RPS6KC1: variants seen among roughly 807,000 people sequenced by gnomAD.
RPS6KC1 encodes the protein inactive ribosomal protein S6 kinase delta-1.
A neutral mutation model predicts 103.8 loss-of-function variants in RPS6KC1; 54 were observed. That is an observed-to-expected ratio of 0.52 (90% CI 0.42 to 0.65). The LOEUF (loss-of-function observed/expected upper bound fraction) is 0.65. Among genes scored for constraint, RPS6KC1 ranks in the 30% least tolerant of loss-of-function variants. RPS6KC1 has a pLI of 0.00. For synonymous variants in RPS6KC1, 439 were observed against 438.7 expected, an observed-to-expected ratio of 1.00 and a Z score of -0.01; for missense variants, 1,151 against 1,253.8, an observed-to-expected ratio of 0.92 and a Z score of 1.24.
At chr1:213,862,458 G>A in the RPS6KC1 span, among the ~76,000 whole-genome samples, 1 of 152,132 alleles carries the variant, frequency 6.6e-6, no homozygotes, top group Non-Finnish European at 1.5e-5. Context: ...ACCAGAGCAC[G>A]TGATTTATTT....
At chr1:213,427,599 C>T in the RPS6KC1 span, among the ~76,000 whole-genome samples, 444 of 152,180 alleles carry the variant, frequency 2.9e-3, 2 homozygotes, top group African/African-American at 0.01. Flanking sequence ...TTTCTTAAAT[C>T]GTTTTGAATT....
chr1:213,189,671 T>C (rs978127388), intron 8 of RPS6KC1, among the ~76,000 whole-genome samples: 3 of 152,208 alleles, frequency 2.0e-5, no homozygotes, highest in African/African-American at 7.2e-5. Flanking sequence ...TTATATTCTT[T>C]TAGTTATTTA....
chr1:213,736,503 T>G, the RPS6KC1 span, among the ~76,000 whole-genome samples: 3 of 152,192 alleles, frequency 2.0e-5, no homozygotes, highest in Non-Finnish European at 2.9e-5. Context: ...AGCTCTAGTC[T>G]ACTAACATAG....
At chr1:213,099,779 G>A (rs917287152) in intron 3 of RPS6KC1, among the ~76,000 whole-genome samples, 2 of 152,114 alleles carry the variant, frequency 1.3e-5, no homozygotes, top group African/African-American at 2.4e-5. Flanking sequence ...CCCTCCTGCA[G>A]CATGTTTTTG....
chr1:213,452,684 A>T, the RPS6KC1 span, among the ~76,000 whole-genome samples: 2 of 152,198 alleles, frequency 1.3e-5, no homozygotes, highest in African/African-American at 4.8e-5. Context: ...CCGCCTCCGC[A>T]GCACAGAGAC....
chr1:213,709,660 C>T, the RPS6KC1 span, among the ~76,000 whole-genome samples: 1 of 152,154 alleles, frequency 6.6e-6, no homozygotes, highest in African/African-American at 2.4e-5. Context: ...GCATTTATTG[C>T]TATAAATGTC....
At chr1:213,424,188 C>T in the RPS6KC1 span, among the ~76,000 whole-genome samples, 4 of 152,210 alleles carry the variant, frequency 2.6e-5, no homozygotes, top group African/African-American at 9.6e-5. Flanking sequence ...AACCTCTTAT[C>T]TGATCTGAAT....
the RPS6KC1 span, among the ~76,000 whole-genome samples, chr1:213,422,739 A>G: frequency 6.6e-6 from 1 of 152,180 alleles, no homozygotes; most frequent in Admixed American, 6.5e-5. Flanking sequence ...TATTAGAAGG[A>G]AGGAGAAGGG....
chr1:213,167,928 TA>T lies in RPS6KC1; in HGVS notation c.907del (p.Ile303SerfsTer20), dbSNP rs2091139713. The T allele has an allele frequency of 1.9e-6, 3 of 1,613,836 alleles. No individual in the cohort carries two copies. The highest frequency in any genetic ancestry group is 2.5e-6 in the Non-Finnish European group (3 of 1,179,822). ...CCGAGTACCTCATGCGGGCAGAAAG[TA>T]TCTCTAGTCTTTATGGGAAACCTCA... ...TAEYLMRAES[I>X]SSLYGKPQLD... On this transcript the variant is annotated frameshift_variant, in exon 7 of 15. Transcript: ENST00000366960. LOFTEE classifies it high-confidence loss of function.
At chr1:213,422,506 T>C in the RPS6KC1 span, among the ~76,000 whole-genome samples, 2 of 152,248 alleles carry the variant, frequency 1.3e-5, no homozygotes, top group African/African-American at 4.8e-5. Flanking sequence ...TCTGGAAATA[T>C]GCAGAAGTGG....
the RPS6KC1 span, among the ~76,000 whole-genome samples, chr1:213,437,266 G>A: frequency 6.6e-6 from 1 of 151,860 alleles, no homozygotes; most frequent in Non-Finnish European, 1.5e-5. Context: ...TATTGAAATG[G>A]TTATATATTT....
intron 3 of RPS6KC1, among the ~76,000 whole-genome samples, chr1:213,088,202 C>A (rs1259871176): frequency 6.6e-6 from 1 of 152,100 alleles, no homozygotes; most frequent in Non-Finnish European, 1.5e-5. Flanking sequence ...TTTTTCCATC[C>A]AATGGCTGCA....
rs2095089485 is a variant in RPS6KC1 at position 213,273,616 on chromosome 1, A to G, written c.*982A>G. ...GGCTTGGTATACTAAGAAGCAAAGG[A>G]TCTCATCTAAATGGAATTGAATGGC... On this transcript the variant is annotated 3_prime_UTR_variant, in exon 15 of 15. Coordinates refer to ENST00000366960, the MANE Select transcript of RPS6KC1 (RefSeq NM_012424.6). 6.6e-6 allele frequency: 1 copy of G among 152,556 alleles called. No homozygotes were observed. Among genetic ancestry groups the G allele is most frequent in the Middle Eastern group, 3.2e-3 (1 of 316 alleles). The allele number at this position is 152,556 out of a possible 1,614,324, so 9.5% of individuals were successfully genotyped here.
the RPS6KC1 span, among the ~76,000 whole-genome samples, chr1:213,289,167 C>G: frequency 6.9e-6 from 1 of 144,880 alleles, no homozygotes; most frequent in Non-Finnish European, 1.5e-5. Context: ...GAGTTCTTTC[C>G]GTCCTGGAAT....
chr1:213,327,480 C>G, the RPS6KC1 span, among the ~76,000 whole-genome samples: 4 of 152,204 alleles, frequency 2.6e-5, no homozygotes, highest in African/African-American at 9.6e-5. Context: ...ACATTCCACT[C>G]AGGTTTTTGG....
the RPS6KC1 span, among the ~76,000 whole-genome samples, chr1:213,596,193 G>A: frequency 6.6e-6 from 1 of 152,230 alleles, no homozygotes; most frequent in Non-Finnish European, 1.5e-5. Flanking sequence ...GACAGGCTAT[G>A]AAGATGGGAT....
intron 6 of RPS6KC1, among the ~76,000 whole-genome samples, chr1:213,156,013 A>T (rs984265264): frequency 2.6e-5 from 4 of 152,224 alleles, no homozygotes; most frequent in African/African-American, 9.6e-5. Context: ...CATGCATAGA[A>T]GCAGGAAAAA....
the RPS6KC1 span, among the ~76,000 whole-genome samples, chr1:213,384,261 G>A: frequency 2.0e-5 from 3 of 150,912 alleles, no homozygotes; most frequent in Non-Finnish European, 2.9e-5. Flanking sequence ...GAGTGACAGA[G>A]CGAGACTCCA....
chr1:213,862,512 AT>A, the RPS6KC1 span, among the ~76,000 whole-genome samples: 48 of 150,114 alleles, frequency 3.2e-4, no homozygotes, highest in Admixed American at 6.7e-4. Flanking sequence ...TAAAGCAGCG[AT>A]TTTTTTTTTC....
Sources: gnomAD v4.1 joint callset for allele counts (sites outside exome capture counted in the v4.1 genomes callset) on GRCh38, gnomAD v4.1.1 for gene constraint, MANE v1.5 for transcripts, NCBI Gene and HGNC (gene_info 2026-07-23, HGNC 2026-07-21) for gene names.